The following SPOCK1 variants were observed in gnomAD, a reference collection of about 807,000 sequenced individuals.
SPOCK1 encodes the protein testican-1.
SPOCK1 carries 23 observed loss-of-function variants against 55.3 expected under a neutral mutation model. The observed-to-expected ratio is 0.42, with a 90% CI of 0.30 to 0.59. The LOEUF (loss-of-function observed/expected upper bound fraction) is 0.59. SPOCK1 is among the 20% of genes least tolerant of loss of function. The pLI is 0.22. For missense variants in SPOCK1, 499 were observed against 552.5 expected, an observed-to-expected ratio of 0.90 and a Z score of 0.97; for synonymous variants, 226 against 221.0, an observed-to-expected ratio of 1.02 and a Z score of -0.20.
intron 6 of SPOCK1, among the ~76,000 whole-genome samples, chr5:137,027,070 T>C (rs1751691313): frequency 6.6e-6 from 1 of 152,200 alleles, no homozygotes; most frequent in South Asian, 2.1e-4. Context: ...AAAACTCCAC[T>C]GCTGATGACT....
intron 2 of SPOCK1, among the ~76,000 whole-genome samples, chr5:137,394,522 C>T (rs549259476): frequency 5.9e-5 from 9 of 152,208 alleles, no homozygotes; most frequent in African/African-American, 9.7e-5. Context: ...GCTGCCACCA[C>T]GCCTTATAGC....
intron 2 of SPOCK1, among the ~76,000 whole-genome samples, chr5:137,368,254 C>A (rs528923277): frequency 3.9e-5 from 6 of 152,230 alleles, no homozygotes; most frequent in Non-Finnish European, 5.9e-5. Flanking sequence ...CCAGGGAAAT[C>A]CAGTTTACTT....
chr5:137,132,293 T>C (rs985239335), intron 4 of SPOCK1, among the ~76,000 whole-genome samples: 2 of 151,942 alleles, frequency 1.3e-5, no homozygotes, highest in Admixed American at 6.6e-5. Flanking sequence ...TCTCAATGTT[T>C]AGGGAGAGAT....
chr5:137,498,622 C>T (rs2149847570), intron 1 of SPOCK1, 64 bp from the exon 2 acceptor site: 1 of 1,225,492 alleles, frequency 8.2e-7, no homozygotes, highest in African/African-American at 1.6e-5. Context: ...CCCGGGCACC[C>T]AGGCGTCCCA....
intron 2 of SPOCK1, among the ~76,000 whole-genome samples, chr5:137,334,633 C>G (rs149588882): frequency 6.6e-6 from 1 of 152,196 alleles, no homozygotes; most frequent in African/African-American, 2.4e-5. Flanking sequence ...GTAACACAGT[C>G]TTCGGTTCAG....
chr5:137,497,409 T>G (rs1109981), intron 2 of SPOCK1, among the ~76,000 whole-genome samples: 1 of 152,080 alleles, frequency 6.6e-6, no homozygotes, highest in Non-Finnish European at 1.5e-5. Context: ...TTACAATATT[T>G]AAGGCTTCTC....
At chr5:137,440,724 T>A (rs1376466469) in intron 2 of SPOCK1, among the ~76,000 whole-genome samples, 1 of 152,266 alleles carries the variant, frequency 6.6e-6, no homozygotes, top group Non-Finnish European at 1.5e-5. Flanking sequence ...TTATTTTTTA[T>A]ATCTAAATTT....
intron 5 of SPOCK1, among the ~76,000 whole-genome samples, chr5:137,104,992 G>A (rs757974240): frequency 2.0e-5 from 3 of 152,256 alleles, no homozygotes; most frequent in South Asian, 2.1e-4. Flanking sequence ...GTTGGGGACC[G>A]CTGCCTTATT....
At chr5:136,997,953 C>A (rs551564657) in intron 6 of SPOCK1, among the ~76,000 whole-genome samples, 1 of 152,336 alleles carries the variant, frequency 6.6e-6, no homozygotes, top group South Asian at 2.1e-4. Context: ...CACCTACTGA[C>A]TGAATAGAAT....
At chr5:137,221,589 A>G (rs2127087937) in intron 3 of SPOCK1, among the ~76,000 whole-genome samples, 1 of 152,286 alleles carries the variant, frequency 6.6e-6, no homozygotes, top group Middle Eastern at 3.4e-3. Flanking sequence ...TCAGTCAATG[A>G]CTGAGATGAC....
Position 137,490,917 on chromosome 5 carries a change from TC to T in SPOCK1, c.186+7455del, listed in dbSNP as rs985949536. Among the ~76,000 whole-genome samples, 5 of 151,910 alleles carry T rather than the reference TC, an allele frequency of 3.3e-5. 1 individual carries two copies. Among genetic ancestry groups the T allele is most frequent in the Non-Finnish European group, 7.4e-5 (5 of 67,978 alleles). The stretch of plus-strand genomic sequence containing the variant: ...ACAGGCTCATGATCATGGAACTGAC[TC>T]CCCCAACATGTTTCTAAGAGACAGA... On this transcript the variant is annotated intron_variant, in intron 2 of 10. Coordinates refer to ENST00000394945, the MANE Select transcript of SPOCK1 (RefSeq NM_004598.4).
chr5:137,498,774 C>A (rs1276351496), intron 1 of SPOCK1, among the ~76,000 whole-genome samples: 1 of 152,176 alleles, frequency 6.6e-6, no homozygotes, highest in African/African-American at 2.4e-5. Flanking sequence ...CGTCACGAAT[C>A]CGAGGCTGCC....
At chr5:137,441,098 G>T (rs534792168) in intron 2 of SPOCK1, among the ~76,000 whole-genome samples, 2 of 152,316 alleles carry the variant, frequency 1.3e-5, no homozygotes, top group East Asian at 3.9e-4. Flanking sequence ...TGTGATTCTG[G>T]ATAGAAATAG....
At chr5:137,015,744 C>T (rs1322052670) in intron 6 of SPOCK1, among the ~76,000 whole-genome samples, 2 of 152,200 alleles carry the variant, frequency 1.3e-5, no homozygotes, top group African/African-American at 4.8e-5. Flanking sequence ...TGCAAATCCT[C>T]TCAAGGTGAC....
intron 2 of SPOCK1, among the ~76,000 whole-genome samples, chr5:137,367,384 T>G (rs182339481): frequency 7.9e-5 from 12 of 152,268 alleles, no homozygotes; most frequent in Admixed American, 7.8e-4. Flanking sequence ...CGGAAGAATA[T>G]GAAGTTCAGG....
intron 2 of SPOCK1, among the ~76,000 whole-genome samples, chr5:137,450,470 C>T (rs899858317): frequency 1.3e-5 from 2 of 152,132 alleles, no homozygotes; most frequent in Non-Finnish European, 2.9e-5. Context: ...GTGGGGTGTA[C>T]ATGCATCTCA....
At chr5:137,466,475 G>A (rs1404993828) in intron 2 of SPOCK1, among the ~76,000 whole-genome samples, 1 of 152,166 alleles carries the variant, frequency 6.6e-6, no homozygotes, top group Non-Finnish European at 1.5e-5. Flanking sequence ...CAGGAGCCCT[G>A]GTCTTTAGGT....
At chr5:137,026,074 G>C (rs571476701) in intron 6 of SPOCK1, among the ~76,000 whole-genome samples, 2 of 152,210 alleles carry the variant, frequency 1.3e-5, no homozygotes, top group African/African-American at 4.8e-5. Flanking sequence ...TGCAAGAGGC[G>C]AGATTCTATA....
intron 2 of SPOCK1, among the ~76,000 whole-genome samples, chr5:137,350,810 T>C (rs1259597267): frequency 1.3e-5 from 2 of 151,960 alleles, no homozygotes; most frequent in African/African-American, 2.4e-5. Context: ...TGTGTGTGTG[T>C]GTGTGTGTCC....
Sources: gnomAD v4.1 joint callset for allele counts (sites outside exome capture counted in the v4.1 genomes callset) on GRCh38, gnomAD v4.1.1 for gene constraint, MANE v1.5 for transcripts, NCBI Gene and HGNC (gene_info 2026-07-23, HGNC 2026-07-21) for gene names.